Variants in FILIP1 observed in about 807,000 individuals in gnomAD.
The protein encoded by FILIP1 is filamin-A-interacting protein 1.
A neutral mutation model predicts 102.1 loss-of-function variants in FILIP1; 61 were observed. That is an observed-to-expected ratio of 0.60 (90% CI 0.49 to 0.74). The LOEUF is 0.74. Among genes scored for constraint, FILIP1 ranks in the 30% least tolerant of loss-of-function variants. The pLI is 0.00. For missense variants in FILIP1, 1,314 were observed against 1,441.2 expected (o/e 0.91, Z 1.43); for synonymous variants, 491 against 526.9 (o/e 0.93, Z 0.93).
intron 1 of FILIP1, among the ~76,000 whole-genome samples, chr6:75,443,040 CTTAA>C (rs1242245790): frequency 1.3e-5 from 2 of 152,158 alleles, no homozygotes; most frequent in African/African-American, 4.8e-5. Context: ...TGTAAAGTTT[CTTAA>C]TTGTTTGGGG....
At chr6:75,303,892 A>G (rs539283675), downstream of FILIP1, among the ~76,000 whole-genome samples, 35 of 152,300 alleles carry the variant, frequency 2.3e-4, no homozygotes, top group Admixed American at 7.2e-4. Flanking sequence ...AGAGAACTCA[A>G]CATAGGCAAA....
chr6:75,487,460 G>A (rs1170644253), intron 1 of FILIP1, among the ~76,000 whole-genome samples: 1 of 152,128 alleles, frequency 6.6e-6, no homozygotes. Flanking sequence ...AAAGAGGCAA[G>A]GCCTAAAATG....
rs1185436875 is a variant in FILIP1, at chr6:75,410,440, G to A, written c.276+4257C>T. ...ATACTTTAAGTTCTGGGATATATTT[G>A]CAGAACATGCGGGTTTGTTACATAG... On this transcript the variant is annotated intron_variant, in intron 2 of 5. Transcript: ENST00000237172. Among the ~76,000 whole-genome samples the A allele has an allele frequency of 2.0e-5, 3 of 149,696 alleles. No homozygotes were observed. The Admixed American group carries it at 2.0e-4, about 10-fold the overall frequency.
intron 4 of FILIP1, among the ~76,000 whole-genome samples, chr6:75,345,368 T>C (rs1198850043): frequency 6.6e-6 from 1 of 151,694 alleles, no homozygotes; most frequent in African/African-American, 2.4e-5. Flanking sequence ...TTTTTTTTTT[T>C]CTAACAAAGA....
chr6:75,441,948 C>T (rs2149722335), intron 1 of FILIP1, among the ~76,000 whole-genome samples: 1 of 151,628 alleles, frequency 6.6e-6, no homozygotes, highest in South Asian at 2.1e-4. Flanking sequence ...CCCCCACCTC[C>T]CTCCCGGACG....
chr6:75,467,817 C>T (rs1362435245), intron 1 of FILIP1, among the ~76,000 whole-genome samples: 3 of 152,086 alleles, frequency 2.0e-5, no homozygotes, highest in Non-Finnish European at 2.9e-5. Context: ...TAGGAGAGTG[C>T]TGCTAATAAA....
At chr6:75,302,186 G>A (rs892171137) in intron 6 of FILIP1, among the ~76,000 whole-genome samples, 2 of 152,134 alleles carry the variant, frequency 1.3e-5, no homozygotes, top group Admixed American at 6.6e-5. Flanking sequence ...ACTCCTGGCT[G>A]TTTTGCATCC....
rs534929773 is a variant in FILIP1, at chr6:75,350,634, A to G, written c.629+2905T>C. The stretch of plus-strand genomic sequence containing the variant: ...ATCATGCTCTCTATTTGATTACTTC[A>G]ATTACTCTCACAGAACACAAAAATT... On this transcript the variant is annotated intron_variant, in intron 4 of 5. Transcript: ENST00000237172. 1.2e-4 allele frequency among the ~76,000 whole-genome samples: 19 copies of G among 152,262 alleles called. 1 individual carries two copies. The South Asian group carries it at 3.3e-3, about 27-fold the overall frequency.
chr6:75,354,570 C>CAAAA (rs57366739), intron 3 of FILIP1, among the ~76,000 whole-genome samples: 2 of 97,570 alleles, frequency 2.0e-5, no homozygotes, highest in East Asian at 3.0e-4. Flanking sequence ...GACTCCATCT[C>CAAAA]AAAAAAAAAA....
intron 2 of FILIP1, chr6:75,366,213 T>C (rs187629206): frequency 9.1e-4 from 138 of 152,340 alleles, no homozygotes; most frequent in African/African-American, 3.0e-3. Flanking sequence ...CCATATGGTC[T>C]TTCCACAAAT....
At chr6:75,435,307 T>C (rs991549339) in intron 1 of FILIP1, among the ~76,000 whole-genome samples, 1 of 152,238 alleles carries the variant, frequency 6.6e-6, no homozygotes, top group African/African-American at 2.4e-5. Flanking sequence ...ATAGGTACAA[T>C]ATCAATTCAG....
intron 6 of FILIP1, chr6:75,296,040 A>G (rs1044087189): frequency 1.1e-6 from 1 of 931,582 alleles, no homozygotes; most frequent in Non-Finnish European, 1.4e-6. Context: ...TAGATGTTAA[A>G]TAACAAAACA....
intron 1 of FILIP1, among the ~76,000 whole-genome samples, chr6:75,442,656 A>C (rs1778307902): frequency 1.3e-5 from 2 of 152,062 alleles, no homozygotes; most frequent in African/African-American, 4.8e-5. Flanking sequence ...CGGCAGGCTG[A>C]GGCAGGAGAA....
intron 2 of FILIP1, among the ~76,000 whole-genome samples, chr6:75,375,391 C>G (rs1318697206): frequency 6.6e-6 from 1 of 152,196 alleles, no homozygotes; most frequent in Non-Finnish European, 1.5e-5. Context: ...GCACACACAA[C>G]TGTGTTCGCT....
intron 1 of FILIP1, among the ~76,000 whole-genome samples, chr6:75,467,672 A>G (rs1271506126): frequency 6.6e-6 from 1 of 152,226 alleles, no homozygotes; most frequent in Admixed American, 6.5e-5. Context: ...TCAAAATTTT[A>G]GAACGAATTT....
At chr6:75,415,061 C>T in intron 1 of FILIP1, 83 bp from the exon 2 acceptor site, 1 of 1,287,362 alleles carries the variant, frequency 7.8e-7, no homozygotes, top group Non-Finnish European at 1.1e-6. Flanking sequence ...AAACTTATAG[C>T]AGCTTTACCA....
At chr6:75,345,525 G>A (rs960167595) in intron 4 of FILIP1, among the ~76,000 whole-genome samples, 4 of 151,670 alleles carry the variant, frequency 2.6e-5, no homozygotes, top group Non-Finnish European at 5.9e-5. Flanking sequence ...CCAGCCTCAC[G>A]TACAGTAAGG....
chr6:75,450,740 G>A (rs145907363), intron 1 of FILIP1, among the ~76,000 whole-genome samples: 3 of 151,772 alleles, frequency 2.0e-5, no homozygotes, highest in African/African-American at 7.3e-5. Flanking sequence ...AAGATCACCT[G>A]AGGTTGGGAG....
intron 2 of FILIP1, among the ~76,000 whole-genome samples, chr6:75,411,398 C>T (rs1777063642): frequency 6.6e-6 from 1 of 152,272 alleles, no homozygotes; most frequent in South Asian, 2.1e-4. Context: ...GTTTCTTTTG[C>T]TGTGCAGAAG....
Sources: gnomAD v4.1 joint callset for allele counts (sites outside exome capture counted in the v4.1 genomes callset) on GRCh38, gnomAD v4.1.1 for gene constraint, MANE v1.5 for transcripts, NCBI Gene and HGNC (gene_info 2026-07-23, HGNC 2026-07-21) for gene names.